The following SOX6 variants were observed in gnomAD, a reference collection of about 807,000 sequenced individuals.
SOX6 encodes the protein transcription factor SOX-6.
A neutral mutation model predicts 97.8 loss-of-function variants in SOX6; 11 were observed. That is an observed-to-expected ratio of 0.11 (90% CI 0.07 to 0.19). The LOEUF is 0.19. SOX6 is among the 10% of genes least tolerant of loss of function. The probability of loss-of-function intolerance (pLI) is 1.00; values close to 1 mark genes in which losing one functional copy is unlikely to be tolerated. For synonymous variants in SOX6, 360 were observed against 371.4 expected (o/e 0.97, Z 0.35); for missense variants, 810 against 1,039.5 (o/e 0.78, Z 3.04).
chr11:16,124,751 C>T (rs1849568872), intron 6 of SOX6, among the ~76,000 whole-genome samples: 1 of 151,944 alleles, frequency 6.6e-6, no homozygotes, highest in South Asian at 2.1e-4. Context: ...TGGAAAGTCA[C>T]TGAAGGGTTT....
chr11:16,226,901 C>T (rs2134165272), intron 4 of SOX6, among the ~76,000 whole-genome samples: 1 of 152,208 alleles, frequency 6.6e-6, no homozygotes, highest in East Asian at 1.9e-4. Context: ...AGGAACAGCC[C>T]ATAATCTATC....
At chr11:16,097,732 G>A (rs1351932615) in intron 7 of SOX6, 44 bp from the exon 8 acceptor site, 6 of 1,535,028 alleles carry the variant, frequency 3.9e-6, no homozygotes, top group Non-Finnish European at 4.5e-6. Flanking sequence ...AATGCACAGG[G>A]AATTGCAGCA....
At chr11:16,454,520 G>A (rs549347174) in intron 1 of SOX6, among the ~76,000 whole-genome samples, 1 of 152,150 alleles carries the variant, frequency 6.6e-6, no homozygotes, top group South Asian at 2.1e-4. Context: ...CTCTAAGAGT[G>A]TGTCAAAATA....
intron 3 of SOX6, among the ~76,000 whole-genome samples, chr11:16,235,232 A>C (rs1283425580): frequency 6.6e-6 from 1 of 152,084 alleles, no homozygotes; most frequent in Non-Finnish European, 1.5e-5. Flanking sequence ...AAAACTGCTA[A>C]AATTTTTCTC....
chr11:16,404,334 C>T (rs954674236), intron 1 of SOX6, among the ~76,000 whole-genome samples: 6 of 151,824 alleles, frequency 4.0e-5, no homozygotes, highest in East Asian at 1.9e-4. Context: ...TTCATTACAT[C>T]AAATAATGGC....
intron 4 of SOX6, among the ~76,000 whole-genome samples, chr11:16,527,950 T>A (rs1028257170): frequency 6.6e-6 from 1 of 152,126 alleles, no homozygotes; most frequent in African/African-American, 2.4e-5. Flanking sequence ...AACCTCAAAA[T>A]CTTAGTGACT....
chr11:16,465,339 T>C (rs934774217), intron 1 of SOX6, among the ~76,000 whole-genome samples: 1 of 152,184 alleles, frequency 6.6e-6, no homozygotes, highest in Non-Finnish European at 1.5e-5. Flanking sequence ...CCCTTAAAAC[T>C]GCCAGCTGTC....
chr11:16,103,636 C>T (rs950213716), intron 7 of SOX6, among the ~76,000 whole-genome samples: 6 of 151,660 alleles, frequency 4.0e-5, no homozygotes, highest in African/African-American at 7.3e-5. Context: ...CATCAATCTA[C>T]GCATGGATAA....
At chr11:16,079,706 T>A (rs1399736525) in intron 9 of SOX6, among the ~76,000 whole-genome samples, 1 of 152,130 alleles carries the variant, frequency 6.6e-6, no homozygotes, top group East Asian at 1.9e-4. Context: ...TTCTTCTGTA[T>A]TTTTTAAATT....
chr11:16,693,790 A>AGAAGTAC (rs1454227322), intron 3 of SOX6, among the ~76,000 whole-genome samples: 1 of 152,204 alleles, frequency 6.6e-6, no homozygotes, highest in Non-Finnish European at 1.5e-5. Context: ...TTCTAAGTCC[A>AGAAGTAC]TATTCTGATA....
intron 12 of SOX6, among the ~76,000 whole-genome samples, chr11:16,020,487 T>A (rs1216016764): frequency 6.6e-6 from 1 of 152,074 alleles, no homozygotes; most frequent in Non-Finnish European, 1.5e-5. Context: ...GTTTTCAAGA[T>A]CTTTCATACA....
At chr11:15,976,451 C>T (rs1425962823) in intron 15 of SOX6, among the ~76,000 whole-genome samples, 1 of 152,236 alleles carries the variant, frequency 6.6e-6, no homozygotes, top group Admixed American at 6.5e-5. Context: ...ATAGAGTAGA[C>T]GAAAATGTTA....
intron 1 of SOX6, among the ~76,000 whole-genome samples, chr11:16,372,521 C>T (rs761380490): frequency 6.6e-6 from 1 of 151,944 alleles, no homozygotes. Flanking sequence ...CTTCAGTTGA[C>T]GGCAAAGGGT....
chr11:16,545,630 A>G (rs1255241825), intron 4 of SOX6, among the ~76,000 whole-genome samples: 1 of 152,142 alleles, frequency 6.6e-6, no homozygotes, highest in Non-Finnish European at 1.5e-5. Flanking sequence ...CAAGAGAAAG[A>G]AATAAAAGGC....
In SOX6 at chr11:16,681,618, A is replaced by G. The variant is rs113278924; in HGVS notation, n.429+33212T>C. Reference sequence around the variant, plus strand: ...AAGAAATAACTAAGATCAGAGAAGAACTGAAGGAGATAGAGACACAAAAAA... The same window carrying G: ...AAGAAATAACTAAGATCAGAGAAGAGCTGAAGGAGATAGAGACACAAAAAA... On this transcript the variant is annotated intron_variant and non_coding_transcript_variant, in intron 3 of 5. Transcript: ENST00000524520. 7.6e-3 allele frequency among the ~76,000 whole-genome samples: 1,154 copies of G among 152,282 alleles called. 10 individuals carry two copies. Among genetic ancestry groups the G allele is most frequent in the African/African-American group, 0.027 (1,117 of 41,544 alleles).
At chr11:16,203,983 C>A (rs1852006365) in intron 4 of SOX6, among the ~76,000 whole-genome samples, 1 of 151,788 alleles carries the variant, frequency 6.6e-6, no homozygotes, top group Non-Finnish European at 1.5e-5. Context: ...ATGGACTTAG[C>A]CTAAAACCTT....
chr11:16,649,576 G>T (rs1849062954), intron 3 of SOX6, among the ~76,000 whole-genome samples: 1 of 152,256 alleles, frequency 6.6e-6, no homozygotes, highest in East Asian at 1.9e-4. Flanking sequence ...AATGCTGAGA[G>T]AATTTGCCAC....
intron 1 of SOX6, among the ~76,000 whole-genome samples, chr11:16,449,310 TGAGACGGAGTCTCGC>T (rs1859673366): frequency 1.1e-5 from 1 of 89,844 alleles, no homozygotes; most frequent in Non-Finnish European, 2.3e-5. Flanking sequence ...TTTTTTTTTT[TGAGACGGAGTCTCGC>T]TGTGTCGCCC....
At chr11:16,283,089 G>GTATATATA (rs10581083) in intron 3 of SOX6, among the ~76,000 whole-genome samples, 21,938 of 113,288 alleles carry the variant, frequency 0.19, 2,717 homozygotes, top group East Asian at 0.36. Flanking sequence ...TATATAATTT[G>GTATATATA]TATATATATA....
Sources: gnomAD v4.1 joint callset for allele counts (sites outside exome capture counted in the v4.1 genomes callset) on GRCh38, gnomAD v4.1.1 for gene constraint, MANE v1.5 for transcripts, NCBI Gene and HGNC (gene_info 2026-07-23, HGNC 2026-07-21) for gene names.